The following DOCK2 variants were observed in gnomAD, a reference collection of about 807,000 sequenced individuals.
DOCK2 encodes dedicator of cytokinesis protein 2.
A neutral mutation model predicts 248.9 loss-of-function variants in DOCK2; 87 were observed. The observed-to-expected ratio is 0.35, with a 90% CI of 0.29 to 0.42. DOCK2 has a LOEUF of 0.42. DOCK2 is among the 10% of genes least tolerant of loss of function. DOCK2 has a pLI of 1.00. For synonymous variants in DOCK2, 805 were observed against 821.6 expected, an observed-to-expected ratio of 0.98 and a Z score of 0.35; for missense variants, 1,747 against 2,300.2, an observed-to-expected ratio of 0.76 and a Z score of 4.92.
intron 23 of DOCK2, among the ~76,000 whole-genome samples, chr5:169,758,929 A>T (rs886358752): frequency 2.0e-5 from 3 of 152,232 alleles, no homozygotes; most frequent in African/African-American, 7.2e-5. Flanking sequence ...TAAAATATAC[A>T]GAAAAATAAA....
At chr5:170,059,211 G>A (rs932217888) in intron 44 of DOCK2, among the ~76,000 whole-genome samples, 2 of 110,496 alleles carry the variant, frequency 1.8e-5, no homozygotes, top group East Asian at 6.1e-4. Context: ...ACCCCCAAAA[G>A]GAAGGAAGTG....
intron 20 of DOCK2, among the ~76,000 whole-genome samples, chr5:169,716,895 C>A (rs1161623471): frequency 6.6e-6 from 1 of 152,172 alleles, no homozygotes; most frequent in African/African-American, 2.4e-5. Flanking sequence ...TAAGTGTTAA[C>A]CCCTTGTGTC....
rs1212354040 is a variant in DOCK2 at position 170,008,611 on chromosome 5, T to C, written c.3173+14T>C. 2 of 1,613,978 alleles carry C rather than the reference T, an allele frequency of 1.2e-6. No homozygotes were observed. Among genetic ancestry groups the C allele is most frequent in the Admixed American group, 3.3e-5 (2 of 59,988 alleles). ...AATCCTGAATAAGTAGGTTGCATTT[T>C]TGGATTTCCTGAAGAGGGGGAGGTC... On this transcript the variant is annotated intron_variant, in intron 31 of 51. Transcript: ENST00000520908.
At chr5:170,043,314 G>A (rs1197457506) in intron 38 of DOCK2, among the ~76,000 whole-genome samples, 1 of 152,172 alleles carries the variant, frequency 6.6e-6, no homozygotes, top group Non-Finnish European at 1.5e-5. Context: ...TGAAAATAGA[G>A]TGAGAAAATG....
At chr5:169,642,864 T>C in intron 1 of DOCK2, among the ~76,000 whole-genome samples, 1 of 152,246 alleles carries the variant, frequency 6.6e-6, no homozygotes, top group Non-Finnish European at 1.5e-5. Context: ...CCTCCTGAGA[T>C]CAGCATCCTA....
chr5:169,925,267 T>A (rs888142275), intron 27 of DOCK2, among the ~76,000 whole-genome samples: 1 of 152,112 alleles, frequency 6.6e-6, no homozygotes, highest in Non-Finnish European at 1.5e-5. Flanking sequence ...AAACCTGCCT[T>A]GAGGGCAGGT....
chr5:169,990,099 T>C (rs1778168975), intron 29 of DOCK2, among the ~76,000 whole-genome samples: 1 of 144,864 alleles, frequency 6.9e-6, no homozygotes, highest in Non-Finnish European at 1.5e-5. Flanking sequence ...TTTTTTTTTT[T>C]CTTCTTCTTT....
chr5:169,705,390 T>G (rs1466001738), intron 14 of DOCK2, among the ~76,000 whole-genome samples: 1 of 152,038 alleles, frequency 6.6e-6, no homozygotes, highest in East Asian at 1.9e-4. Flanking sequence ...CCACCCAACT[T>G]GAGGCGGTGG....
chr5:169,781,254 G>A (rs261583), intron 25 of DOCK2, among the ~76,000 whole-genome samples: 22,954 of 152,182 alleles, frequency 0.15, 1,840 homozygotes, highest in Non-Finnish European at 0.18. Flanking sequence ...CACAGACAGT[G>A]GCCCCAGCTG....
Position 169,694,143 on chromosome 5 carries a change from C to A in DOCK2, c.844-1660C>A, listed in dbSNP as rs140416133. 4.3e-3 allele frequency among the ~76,000 whole-genome samples: 660 copies of A among 152,346 alleles called. 1 individual carries two copies. The highest frequency in any genetic ancestry group is 0.015 in the African/African-American group (614 of 41,574). The stretch of plus-strand genomic sequence containing the variant: ...AGACTCTGCACAGCCCCACTCCCTT[C>A]CTCCTATACCAGCATAGTGAGAGGC... On this transcript the variant is annotated intron_variant, in intron 9 of 51. Transcript: ENST00000520908.
chr5:170,056,846 T>C, intron 43 of DOCK2, 78 bp downstream of exon 43: 1 of 1,345,740 alleles, frequency 7.4e-7, no homozygotes. Flanking sequence ...AGCCTCAGAA[T>C]GGGAAGGAAC....
At chr5:169,696,382 G>C (rs1027647847) in intron 10 of DOCK2, among the ~76,000 whole-genome samples, 9 of 152,212 alleles carry the variant, frequency 5.9e-5, no homozygotes, top group African/African-American at 2.2e-4. Flanking sequence ...CGTGACCTGA[G>C]GCAGAGCCCT....
Position 170,016,625 on chromosome 5 carries a change from C to G in DOCK2, c.3233-2335C>G, listed in dbSNP as rs555864555. ...CAGATCAAAAGTATTTAAGAAATCA[C>G]GGGTCTACAGCATGTCTGCCCTTTA... On this transcript the variant is annotated intron_variant, in intron 32 of 51. Coordinates refer to ENST00000520908, the MANE Select transcript of DOCK2 (RefSeq NM_004946.3). Among the ~76,000 whole-genome samples, 46 of 152,322 alleles carry G rather than the reference C, an allele frequency of 3.0e-4. No homozygotes were observed. In the South Asian group the frequency reaches 8.9e-3, roughly 30 times the overall value.
chr5:169,651,055 A>T (rs1402944173), intron 1 of DOCK2, among the ~76,000 whole-genome samples: 1 of 152,082 alleles, frequency 6.6e-6, no homozygotes, highest in Non-Finnish European at 1.5e-5. Flanking sequence ...AAAAGTTGAG[A>T]GTGGTTAGGC....
Position 169,840,842 on chromosome 5 carries a change from A to C in DOCK2, c.2789A>C (p.His930Pro). Residue 930 changes from histidine (H) to proline (P), a missense_variant, in exon 27 of 52, where the codon CAC becomes CCC. His to Pro is a moderately conservative substitution (Grantham distance 77, BLOSUM62 -2). Coordinates refer to ENST00000520908, the MANE Select transcript of DOCK2 (RefSeq NM_004946.3). ...NRTVITMGRD[H>P]ILISHFVACM... is the part of the protein sequence containing the mutation. ...ACAGTCATCACCATGGGCCGGGATCACATTCTGATTGTGAGTGGATTATTT... is the reference window on the plus strand; with the variant it reads ...ACAGTCATCACCATGGGCCGGGATCCCATTCTGATTGTGAGTGGATTATTT... The C allele has an allele frequency of 6.2e-7, 1 of 1,613,898 alleles. No homozygotes were observed. The highest frequency in any genetic ancestry group is 2.2e-5 in the East Asian group (1 of 44,832).
Position 169,702,310 on chromosome 5 carries a change from C to T in DOCK2, c.1266C>T (p.Val422=). The change falls in exon 14 of 52, where the codon GTC becomes GTT. Residue 422 remains valine (V), a synonymous_variant. Coordinates refer to ENST00000520908, the MANE Select transcript of DOCK2 (RefSeq NM_004946.3). ...GFPEIIMPGD[V]RNDIYITLLQ... is the part of the protein sequence containing the mutation. ...TCTCTCCCTCTGCCTCAGGGGATGTCAGGAACGACATCTACATTACTCTCT... is the reference window on the plus strand; with the variant it reads ...TCTCTCCCTCTGCCTCAGGGGATGTTAGGAACGACATCTACATTACTCTCT... 1 of 1,613,674 alleles carries T rather than the reference C, an allele frequency of 6.2e-7. No homozygotes were observed. Among genetic ancestry groups the T allele is most frequent in the Non-Finnish European group, 8.5e-7 (1 of 1,179,738 alleles).
At chr5:169,897,757 G>A (rs530146893) in intron 27 of DOCK2, among the ~76,000 whole-genome samples, 32 of 152,270 alleles carry the variant, frequency 2.1e-4, no homozygotes, top group Non-Finnish European at 4.4e-4. Context: ...CCATCGTCAG[G>A]GCCACATGGG....
chr5:170,073,743 T>G (rs1757752615), intron 46 of DOCK2, among the ~76,000 whole-genome samples: 1 of 152,184 alleles, frequency 6.6e-6, no homozygotes, highest in Non-Finnish European at 1.5e-5. Flanking sequence ...GTTAACTTTT[T>G]GTAATACACT....
At chr5:170,036,370 C>T (rs951830689) in intron 35 of DOCK2, 145 bp from the exon 36 acceptor site, 11 of 780,710 alleles carry the variant, frequency 1.4e-5, no homozygotes, top group Admixed American at 1.3e-4. Flanking sequence ...ATCTTTGGGG[C>T]ATCCAGGAAA....
Sources: allele counts gnomAD v4.1 joint callset (sites outside exome capture counted in the v4.1 genomes callset), GRCh38; gene constraint gnomAD v4.1.1; transcripts MANE v1.5; gene names NCBI Gene and HGNC (gene_info 2026-07-23, HGNC 2026-07-21).